AFG1L: variants seen among roughly 807,000 people sequenced by gnomAD.
The protein encoded by AFG1L is AFG1 like ATPase.
In AFG1L, 53 loss-of-function variants were observed where a neutral mutation model predicts 62.2. That is an observed-to-expected ratio of 0.85 (90% CI 0.68 to 1.07). The LOEUF (loss-of-function observed/expected upper bound fraction) is 1.07, where lower values mean the gene tolerates loss of function less well. Ranked by LOEUF, AFG1L falls within the 50% of genes least tolerant of loss-of-function variation. AFG1L has a pLI of 0.00. For missense variants in AFG1L, 555 were observed against 590.5 expected (o/e 0.94, Z 0.62); for synonymous variants, 228 against 210.3 (o/e 1.08, Z -0.73).
intron 7 of AFG1L, among the ~76,000 whole-genome samples, chr6:108,424,658 T>C (rs932779718): frequency 1.3e-5 from 2 of 152,050 alleles, no homozygotes; most frequent in Non-Finnish European, 2.9e-5. Context: ...GAGAATGAGT[T>C]AGAAGTGGTT....
chr6:108,442,650 C>G (rs12528220), intron 7 of AFG1L, among the ~76,000 whole-genome samples: 7,148 of 152,216 alleles, frequency 0.047, 250 homozygotes, highest in South Asian at 0.17. Flanking sequence ...GGACCAGCTT[C>G]TTGGGTGTTA....
intron 10 of AFG1L, among the ~76,000 whole-genome samples, chr6:108,490,338 G>T (rs943191821): frequency 1.3e-5 from 2 of 152,186 alleles, no homozygotes; most frequent in African/African-American, 4.8e-5. Flanking sequence ...CCAGCCTGGC[G>T]ACAGAGAGAG....
At chr6:108,315,774 G>A (rs1448351083) in intron 1 of AFG1L, among the ~76,000 whole-genome samples, 1 of 152,184 alleles carries the variant, frequency 6.6e-6, no homozygotes, top group Non-Finnish European at 1.5e-5. Flanking sequence ...TGGGCTGGAT[G>A]TGGTAGCTCA....
chr6:108,335,695 G>C (rs558229153), intron 2 of AFG1L, among the ~76,000 whole-genome samples: 1 of 152,334 alleles, frequency 6.6e-6, no homozygotes, highest in East Asian at 1.9e-4. Context: ...GAATAGACCA[G>C]ACCTAGCAGA....
At chr6:108,487,593 G>A (rs1773619690) in intron 10 of AFG1L, among the ~76,000 whole-genome samples, 1 of 152,196 alleles carries the variant, frequency 6.6e-6, no homozygotes, top group East Asian at 1.9e-4. Flanking sequence ...CCTTTAAAGA[G>A]CAGTGCTCAC....
intron 8 of AFG1L, 100 bp from the exon 9 acceptor site, chr6:108,476,765 C>CTT: frequency 1.5e-5 from 11 of 745,716 alleles, no homozygotes; most frequent in Non-Finnish European, 1.8e-5. Flanking sequence ...ACATCCTGTT[C>CTT]TTTTTTTTTA....
intron 7 of AFG1L, among the ~76,000 whole-genome samples, chr6:108,407,727 C>T (rs1191306495): frequency 6.6e-6 from 1 of 151,960 alleles, no homozygotes; most frequent in Admixed American, 6.6e-5. Context: ...CAGGAGGGAA[C>T]CTCACCATCT....
intron 6 of AFG1L, among the ~76,000 whole-genome samples, chr6:108,375,639 G>T (rs1230777569): frequency 1.3e-5 from 2 of 152,090 alleles, no homozygotes; most frequent in Non-Finnish European, 2.9e-5. Context: ...ATTGATTTGT[G>T]TATGTTGAAC....
At chr6:108,385,244 TA>T (rs1283280324) in intron 6 of AFG1L, among the ~76,000 whole-genome samples, 3 of 152,190 alleles carry the variant, frequency 2.0e-5, no homozygotes, top group African/African-American at 7.2e-5. Flanking sequence ...AAACTGGCCA[TA>T]AACAAAATCT....
chr6:108,365,519 A>G (rs1024121131), intron 5 of AFG1L, among the ~76,000 whole-genome samples: 3 of 122,512 alleles, frequency 2.4e-5, no homozygotes, highest in Non-Finnish European at 4.8e-5. Flanking sequence ...TAGAAGGAAT[A>G]TTTGTGTTTG....
At chr6:108,477,581 C>G (rs534616105) in intron 10 of AFG1L, among the ~76,000 whole-genome samples, 1 of 152,112 alleles carries the variant, frequency 6.6e-6, no homozygotes, top group East Asian at 1.9e-4. Context: ...TTGTAAAAGT[C>G]AAACATAAGA....
intron 3 of AFG1L, among the ~76,000 whole-genome samples, chr6:108,354,501 TG>T (rs1779193690): frequency 1.3e-5 from 2 of 152,024 alleles, no homozygotes; most frequent in Non-Finnish European, 2.9e-5. Flanking sequence ...GACAGGGTTT[TG>T]CCATGTTGAC....
intron 8 of AFG1L, among the ~76,000 whole-genome samples, chr6:108,450,738 A>C (rs1382972648): frequency 6.6e-6 from 1 of 152,156 alleles, no homozygotes; most frequent in African/African-American, 2.4e-5. Flanking sequence ...TTTAGGTCTA[A>C]CATTTAAGTC....
chr6:108,467,194 A>G (rs987557055), intron 8 of AFG1L, among the ~76,000 whole-genome samples: 3 of 152,164 alleles, frequency 2.0e-5, no homozygotes, highest in African/African-American at 4.8e-5. Context: ...TGTGTTTCAG[A>G]AGTTTTTAAT....
chr6:108,361,032 C>A (rs1779505917), intron 5 of AFG1L, among the ~76,000 whole-genome samples: 1 of 152,234 alleles, frequency 6.6e-6, no homozygotes, highest in African/African-American at 2.4e-5. Flanking sequence ...ACAGGAAATG[C>A]AGGGAGCTGG....
At chr6:108,475,773 T>A (rs1773083267) in intron 8 of AFG1L, among the ~76,000 whole-genome samples, 1 of 152,210 alleles carries the variant, frequency 6.6e-6, no homozygotes, top group Non-Finnish European at 1.5e-5. Context: ...AGACATTTGC[T>A]CTAGAACAGT....
intron 6 of AFG1L, among the ~76,000 whole-genome samples, chr6:108,396,308 A>G (rs561129557): frequency 1.2e-4 from 18 of 152,262 alleles, no homozygotes; most frequent in Admixed American, 3.3e-4. Flanking sequence ...ATATGTTTAC[A>G]TGTATGTGTG....
intron 5 of AFG1L, chr6:108,359,379 A>C (rs945056092): frequency 2.6e-5 from 4 of 152,270 alleles, no homozygotes; most frequent in Non-Finnish European, 5.9e-5. Context: ...AGGATTTTTC[A>C]GATTACATGT....
At chr6:108,344,737 A>G in intron 2 of AFG1L, 1 of 470,980 alleles carries the variant, frequency 2.1e-6, no homozygotes, top group South Asian at 1.5e-5. Context: ...TCCCTTTCTG[A>G]ACTCACTCCA....
Sources: allele counts gnomAD v4.1 joint callset (sites outside exome capture counted in the v4.1 genomes callset), GRCh38; gene constraint gnomAD v4.1.1; transcripts MANE v1.5; gene names NCBI Gene and HGNC (gene_info 2026-07-23, HGNC 2026-07-21).